SNTA1: variants seen among roughly 807,000 people sequenced by gnomAD.
SNTA1 encodes alpha-1-syntrophin.
A neutral mutation model predicts 47.1 loss-of-function variants in SNTA1; 31 were observed. The ratio of observed to expected loss-of-function variants is 0.66; its 90% CI spans 0.49 to 0.89. The LOEUF (loss-of-function observed/expected upper bound fraction) is 0.89, where lower values mean the gene tolerates loss of function less well. SNTA1 is among the 40% of genes least tolerant of loss of function. SNTA1 has a pLI of 0.00. For missense variants in SNTA1, 575 were observed against 693.0 expected (o/e 0.83, Z 1.91); for synonymous variants, 300 against 313.6 (o/e 0.96, Z 0.46).
At chr20:33,417,090 TG>T (rs753401551) in intron 3 of SNTA1, among the ~76,000 whole-genome samples, 9 of 152,054 alleles carry the variant, frequency 5.9e-5, no homozygotes, top group Non-Finnish European at 1.0e-4. Context: ...CACTCCAGCC[TG>T]GGCGACAGAG....
At chr20:33,427,980 C>G (rs1990206904) in intron 2 of SNTA1, among the ~76,000 whole-genome samples, 1 of 151,854 alleles carries the variant, frequency 6.6e-6, no homozygotes, top group African/African-American at 2.4e-5. Context: ...AGTGGCTGTT[C>G]ACAGGTGCAT....
In SNTA1 at chr20:33,408,612, T is replaced by C; in HGVS notation, c.1426-13A>G. 1 of 1,613,142 alleles carries C rather than the reference T, an allele frequency of 6.2e-7. No individual in the cohort carries two copies. The highest frequency in any genetic ancestry group is 8.5e-7 in the Non-Finnish European group (1 of 1,179,110). The stretch of plus-strand genomic sequence containing the variant: ...GCAGGTCCAGCTGCTGGAGGGTGGA[T>C]GGAGAGAAGAGTCAGGGCCCTGGCC... On this transcript the variant is annotated splice_polypyrimidine_tract_variant and intron_variant, in intron 7 of 7. Transcript: ENST00000217381.
Position 33,408,595 on chromosome 20 carries a change from A to G in SNTA1, c.1430T>C (p.Leu477Pro). 1 of 1,613,996 alleles carries G rather than the reference A, an allele frequency of 6.2e-7. No homozygotes were observed. Among genetic ancestry groups the G allele is most frequent in the Non-Finnish European group, 8.5e-7 (1 of 1,179,848 alleles). Residue 477 changes from leucine to proline, a missense_variant, in exon 8 of 8, where the codon CTG becomes CCG. Coordinates refer to ENST00000217381, the MANE Select transcript of SNTA1 (RefSeq NM_003098.3). Reference sequence around the variant, plus strand: ...GGTTTTGGGACACGAGTGCAGGTCCAGCTGCTGGAGGGTGGATGGAGAGAA... The same window carrying G: ...GGTTTTGGGACACGAGTGCAGGTCCGGCTGCTGGAGGGTGGATGGAGAGAA... ...DFGGAEGEIQ[L>P]DLHSCPKTIV... is the part of the protein sequence containing the mutation.
At chr20:33,421,597 A>G (rs1328041299) in intron 2 of SNTA1, among the ~76,000 whole-genome samples, 1 of 150,218 alleles carries the variant, frequency 6.7e-6, no homozygotes, top group Non-Finnish European at 1.5e-5. Context: ...GGGCAACAAG[A>G]GTGAAACTCC....
At chr20:33,428,418 A>G (rs1990216080) in intron 2 of SNTA1, among the ~76,000 whole-genome samples, 1 of 152,110 alleles carries the variant, frequency 6.6e-6, no homozygotes, top group Admixed American at 6.6e-5. Context: ...CAAAAAAATT[A>G]TAAAATAAAA....
In SNTA1 at chr20:33,410,046, C is replaced by T; in HGVS notation, c.1237+89G>A. On this transcript the variant is annotated intron_variant, in intron 6 of 7. Transcript: ENST00000217381. Reference sequence around the variant, plus strand: ...CTCCAAACCCCATTTTCTATCCCCTCCTGAAGTGCCCTAAAGAAGGAAGCT... The same window carrying T: ...CTCCAAACCCCATTTTCTATCCCCTTCTGAAGTGCCCTAAAGAAGGAAGCT... The T allele has an allele frequency of 5.8e-6, 8 of 1,380,862 alleles. No homozygotes were observed. In the Admixed American group the frequency reaches 8.6e-5, roughly 15 times the overall value. 85.5% of individuals were successfully genotyped at this position (1,380,862 alleles called of 1,614,324 possible).
chr20:33,415,790 C>T (rs1282120521), intron 3 of SNTA1, among the ~76,000 whole-genome samples: 2 of 146,880 alleles, frequency 1.4e-5, no homozygotes, highest in African/African-American at 2.6e-5. Context: ...AAGACTCTGT[C>T]CCAAAAAAAA....
intron 2 of SNTA1, among the ~76,000 whole-genome samples, chr20:33,429,353 A>C (rs1181636617): frequency 2.7e-5 from 4 of 148,984 alleles, no homozygotes; most frequent in Admixed American, 2.7e-4. Context: ...AAAAAAAAAA[A>C]AAAAAAAAAA....
At chr20:33,434,368 C>A (rs1185692594) in intron 2 of SNTA1, among the ~76,000 whole-genome samples, 8 of 152,110 alleles carry the variant, frequency 5.3e-5, no homozygotes, top group Non-Finnish European at 1.2e-4. Flanking sequence ...AGTGGAATGA[C>A]CTCCTTCCAT....
intron 5 of SNTA1, among the ~76,000 whole-genome samples, chr20:33,410,883 C>T (rs1989723553): frequency 6.6e-6 from 1 of 152,234 alleles, no homozygotes; most frequent in Non-Finnish European, 1.5e-5. Flanking sequence ...TGCCTGCCCA[C>T]AGTAGGTGCT....
At chr20:33,412,517 G>A in intron 4 of SNTA1, 58 bp downstream of exon 4, 2 of 1,603,462 alleles carry the variant, frequency 1.2e-6, no homozygotes, top group South Asian at 2.2e-5. Context: ...ACTGGGAACA[G>A]GGCCAGCTCC....
chr20:33,443,239 C>T (rs1488089559), intron 1 of SNTA1, 72 bp downstream of exon 1: 3 of 1,246,476 alleles, frequency 2.4e-6, no homozygotes, highest in Admixed American at 2.7e-5. Flanking sequence ...GTCCTGGGCG[C>T]GCTGCCAGCC....
chr20:33,438,596 A>G (rs1990499559), intron 2 of SNTA1, among the ~76,000 whole-genome samples: 1 of 152,212 alleles, frequency 6.6e-6, no homozygotes, highest in Non-Finnish European at 1.5e-5. Flanking sequence ...TGACTTGTCC[A>G]GGGCTACACA....
intron 2 of SNTA1, among the ~76,000 whole-genome samples, chr20:33,429,334 TAAAAAAAAAAAAAAAA>T (rs35077145): frequency 2.0e-4 from 5 of 25,112 alleles, no homozygotes; most frequent in African/African-American, 6.0e-4. Flanking sequence ...AGACTCCACC[TAAAAAAAAAAAAAAAA>T]AAAAAAAAAA....
intron 2 of SNTA1, among the ~76,000 whole-genome samples, chr20:33,431,317 G>A (rs772720182): frequency 2.0e-5 from 3 of 152,146 alleles, no homozygotes; most frequent in East Asian, 1.9e-4. Context: ...GCATCTGAAA[G>A]ACTTGAGCTC....
At chr20:33,437,215 A>T (rs922196163) in intron 2 of SNTA1, among the ~76,000 whole-genome samples, 1 of 151,736 alleles carries the variant, frequency 6.6e-6, no homozygotes, top group Non-Finnish European at 1.5e-5. Flanking sequence ...GTGAGCCGAG[A>T]TCATGCCACT....
intron 2 of SNTA1, among the ~76,000 whole-genome samples, chr20:33,437,015 A>G (rs985540844): frequency 2.0e-5 from 3 of 148,182 alleles, no homozygotes; most frequent in Non-Finnish European, 3.0e-5. Flanking sequence ...CTGTAATCCC[A>G]GCACTTTTGG....
chr20:33,412,185 C>A, intron 5 of SNTA1, 111 bp downstream of exon 5: 1 of 1,226,318 alleles, frequency 8.2e-7, no homozygotes, highest in Non-Finnish European at 1.1e-6. Context: ...CTTCAGGTCA[C>A]CTGGGGAATA....
chr20:33,443,021 T>C (rs539012829), intron 1 of SNTA1, among the ~76,000 whole-genome samples: 1 of 152,128 alleles, frequency 6.6e-6, no homozygotes, highest in African/African-American at 2.4e-5. Flanking sequence ...ATGTTCATGC[T>C]GGTTACCCCT....
Sources: allele counts gnomAD v4.1 joint callset (sites outside exome capture counted in the v4.1 genomes callset), GRCh38; gene constraint gnomAD v4.1.1; transcripts MANE v1.5; gene names NCBI Gene and HGNC (gene_info 2026-07-23, HGNC 2026-07-21).